TRAPPC3L: variants seen among roughly 807,000 people sequenced by gnomAD.
TRAPPC3L encodes trafficking protein particle complex subunit 3-like protein.
A neutral mutation model predicts 23.7 loss-of-function variants in TRAPPC3L; 23 were observed. The observed-to-expected ratio is 0.97, with a 90% CI of 0.70 to 1.37. The LOEUF is 1.37. Among genes scored for constraint, TRAPPC3L ranks in the 40% most tolerant of loss-of-function variants. The probability of loss-of-function intolerance (pLI) is 0.00; values close to 1 mark genes in which losing one functional copy is unlikely to be tolerated. For missense variants in TRAPPC3L, 212 were observed against 216.8 expected (o/e 0.98, Z 0.14); for synonymous variants, 81 against 77.9 (o/e 1.04, Z -0.21).
At chr6:116,512,126 G>A (rs1331179547) in intron 3 of TRAPPC3L, 2 of 1,613,932 alleles carry the variant, frequency 1.2e-6, no homozygotes, top group African/African-American at 1.3e-5. Context: ...GATTTGCAAG[G>A]GTAAGCCCAA....
chr6:116,505,844 T>C (rs1433256555), intron 3 of TRAPPC3L, among the ~76,000 whole-genome samples: 1 of 152,220 alleles, frequency 6.6e-6, no homozygotes, highest in Admixed American at 6.5e-5. Context: ...GATCCCTTCC[T>C]TACACCTTAT....
intron 3 of TRAPPC3L, among the ~76,000 whole-genome samples, chr6:116,505,723 C>T (rs1771993310): frequency 6.6e-6 from 1 of 152,182 alleles, no homozygotes; most frequent in African/African-American, 2.4e-5. Context: ...CACACCTCTA[C>T]AACCATCTGA....
intron 3 of TRAPPC3L, among the ~76,000 whole-genome samples, chr6:116,525,412 T>C (rs1290432209): frequency 6.6e-6 from 1 of 152,194 alleles, no homozygotes; most frequent in Non-Finnish European, 1.5e-5. Flanking sequence ...AAGTAAACTT[T>C]CCATTTTATT....
chr6:116,541,262 A>G (rs945606497), intron 2 of TRAPPC3L, among the ~76,000 whole-genome samples: 25 of 152,204 alleles, frequency 1.6e-4, no homozygotes, highest in Non-Finnish European at 2.8e-4. Context: ...GAAAGGTCAG[A>G]ATCTCTATCT....
At chr6:116,511,180 A>G (rs1373853178) in intron 3 of TRAPPC3L, among the ~76,000 whole-genome samples, 11 of 93,048 alleles carry the variant, frequency 1.2e-4, no homozygotes, top group Non-Finnish European at 2.2e-4. Flanking sequence ...TCCAAAAGCT[A>G]TTGATATATA....
At position 116,495,988 on chromosome 6, in the gene TRAPPC3L, C is replaced by A. The variant is rs908685250; in HGVS notation, c.*966G>T. On this transcript the variant is annotated 3_prime_UTR_variant, in exon 5 of 5. Transcript: ENST00000368602. ...TTTCTCCAATTCCGTAGGGTGGTAT[C>A]ACACTAATTATAACTTGTACTTGCA... 1.3e-5 allele frequency: 2 copies of A among 152,142 alleles called. No homozygotes were observed. The highest frequency in any genetic ancestry group is 4.8e-5 in the African/African-American group (2 of 41,434). The allele number at this position is 152,142 out of a possible 1,614,324, so 9.4% of individuals were successfully genotyped here. A position where few individuals can be genotyped will look rare whatever the true frequency, so the allele number is the denominator to read the frequency against.
chr6:116,513,467 A>C (rs1005085080), intron 3 of TRAPPC3L, among the ~76,000 whole-genome samples: 1 of 152,214 alleles, frequency 6.6e-6, no homozygotes, highest in African/African-American at 2.4e-5. Flanking sequence ...GGCTCCATTC[A>C]GTCAGTGGCA....
chr6:116,522,524 T>C (rs928988915), intron 3 of TRAPPC3L: 2 of 152,228 alleles, frequency 1.3e-5, no homozygotes, highest in African/African-American at 4.8e-5. Context: ...CAGTTAGCAG[T>C]ATAGCATCTA....
At chr6:116,530,902 CATATATATATATATATAT>C (rs10557481) in intron 3 of TRAPPC3L, among the ~76,000 whole-genome samples, 73 of 76,486 alleles carry the variant, frequency 9.5e-4, no homozygotes, top group African/African-American at 3.0e-3. Flanking sequence ...AAGTGAGACT[CATATATATATATATATAT>C]ATATATATAT....
intron 1 of TRAPPC3L, among the ~76,000 whole-genome samples, chr6:116,544,825 AT>A (rs1327910951): frequency 6.6e-6 from 1 of 152,124 alleles, no homozygotes; most frequent in Non-Finnish European, 1.5e-5. Context: ...TCAAATGCCC[AT>A]CAGTCTCCTG....
At chr6:116,497,909 TCTCTCA>T (rs961940393) in intron 4 of TRAPPC3L, among the ~76,000 whole-genome samples, 10 of 152,186 alleles carry the variant, frequency 6.6e-5, no homozygotes, top group Admixed American at 4.6e-4. Context: ...CTCAGTCCCC[TCTCTCA>T]CTAAGAATTC....
chr6:116,512,293 G>A, intron 3 of TRAPPC3L: 1 of 1,519,024 alleles, frequency 6.6e-7, no homozygotes, highest in Non-Finnish European at 8.8e-7. Context: ...TATTCTCTCT[G>A]TGCTCCTTTC....
intron 3 of TRAPPC3L, among the ~76,000 whole-genome samples, chr6:116,527,514 C>CA (rs1278493166): frequency 0.046 from 1,117 of 24,124 alleles, 7 homozygotes; most frequent in Non-Finnish European, 0.072. Flanking sequence ...GACTCCGTCT[C>CA]AAAACAAAAA....
At chr6:116,527,464 G>A (rs1460821513) in intron 3 of TRAPPC3L, among the ~76,000 whole-genome samples, 2 of 139,990 alleles carry the variant, frequency 1.4e-5, no homozygotes, top group South Asian at 2.2e-4. Flanking sequence ...GCAGTGAGCC[G>A]ACATCGAGCC....
chr6:116,515,497 C>CAA (rs1772203932), intron 3 of TRAPPC3L: 5 of 1,238,616 alleles, frequency 4.0e-6, no homozygotes, highest in Admixed American at 2.3e-5. Flanking sequence ...TGAGGTATGT[C>CAA]AAAGACTGTG....
chr6:116,536,912 A>T (rs1773130120), intron 3 of TRAPPC3L, among the ~76,000 whole-genome samples: 1 of 151,150 alleles, frequency 6.6e-6, no homozygotes, highest in Non-Finnish European at 1.5e-5. Context: ...GATTAATAAG[A>T]TAATGCTGCC....
chr6:116,543,846 G>T lies in TRAPPC3L; in HGVS notation c.43-446C>A, dbSNP rs1386897666. The T allele has an allele frequency of 2.0e-6, 3 of 1,533,952 alleles. No individual in the cohort carries two copies. In the African/African-American group the frequency reaches 4.1e-5, roughly 21 times the overall value. ...CCAGATCTGCCAAGGAGACCTTCAG[G>T]ATAAACCCAAATGTAGCAGCAAATT... is the stretch of plus-strand genomic sequence containing the variant. On this transcript the variant is annotated intron_variant, in intron 1 of 4. Transcript: ENST00000368602.
chr6:116,503,266 A>G (rs534707249), intron 3 of TRAPPC3L, among the ~76,000 whole-genome samples: 16 of 152,354 alleles, frequency 1.1e-4, no homozygotes, highest in Non-Finnish European at 2.2e-4. Context: ...CAAAGATCAA[A>G]AGAGACAAAG....
intron 3 of TRAPPC3L, among the ~76,000 whole-genome samples, chr6:116,500,973 C>G (rs1771902341): frequency 6.6e-6 from 1 of 152,230 alleles, no homozygotes; most frequent in Non-Finnish European, 1.5e-5. Context: ...CCTGGTTCAT[C>G]TCACTGGGAC....
Sources: gnomAD v4.1 joint callset for allele counts (sites outside exome capture counted in the v4.1 genomes callset) on GRCh38, gnomAD v4.1.1 for gene constraint, MANE v1.5 for transcripts, NCBI Gene and HGNC (gene_info 2026-07-23, HGNC 2026-07-21) for gene names.